PHF24: variants seen among roughly 807,000 people sequenced by gnomAD.
PHF24 encodes the protein PHD finger protein 24, also known as Galpha inhibitory interacting protein.
Under a neutral mutation model 42.6 loss-of-function variants are expected in PHF24, and 25 were observed. The ratio of observed to expected loss-of-function variants is 0.59; its 90% CI spans 0.43 to 0.82. The LOEUF is 0.82. PHF24 is among the 40% of genes least tolerant of loss of function. The pLI is 0.00. For synonymous variants in PHF24, 185 were observed against 204.8 expected, an observed-to-expected ratio of 0.90 and a Z score of 0.83; for missense variants, 470 against 538.1, an observed-to-expected ratio of 0.87 and a Z score of 1.25.
At chr9:34,815,467 C>T in the PHF24 span, among the ~76,000 whole-genome samples, 2 of 152,246 alleles carry the variant, frequency 1.3e-5, no homozygotes, top group South Asian at 2.1e-4. Flanking sequence ...GGACTACAGG[C>T]GCCCGCCACC....
At chr9:34,832,433 A>T in the PHF24 span, 2 of 1,404,020 alleles carry the variant, frequency 1.4e-6, no homozygotes, top group East Asian at 5.0e-5. Context: ...ACTGGGGACC[A>T]TCCAAGAAAG....
At chr9:34,861,106 A>G in the PHF24 span, among the ~76,000 whole-genome samples, 1 of 152,202 alleles carries the variant, frequency 6.6e-6, no homozygotes, top group African/African-American at 2.4e-5. Flanking sequence ...CAGAAAAAAA[A>G]TCACCAGGAA....
the PHF24 span, among the ~76,000 whole-genome samples, chr9:34,783,547 G>T: frequency 6.6e-6 from 1 of 152,074 alleles, no homozygotes; most frequent in Non-Finnish European, 1.5e-5. Context: ...TGACAGACCT[G>T]CCTTAAACTA....
the PHF24 span, among the ~76,000 whole-genome samples, chr9:34,848,483 T>C: frequency 2.6e-5 from 4 of 152,204 alleles, no homozygotes; most frequent in Admixed American, 2.6e-4. Flanking sequence ...TATTTGATTC[T>C]TCTCTCTTTT....
At chr9:34,918,150 C>T in the PHF24 span, 1 of 1,514,310 alleles carries the variant, frequency 6.6e-7, no homozygotes, top group African/African-American at 1.4e-5. Flanking sequence ...CATATGCATT[C>T]CCTGGACTGT....
the PHF24 span, among the ~76,000 whole-genome samples, chr9:34,880,832 G>C: frequency 1.3e-5 from 2 of 152,222 alleles, no homozygotes; most frequent in South Asian, 4.1e-4. Context: ...TCCAGGAATT[G>C]AACTCAGCTC....
the PHF24 span, among the ~76,000 whole-genome samples, chr9:34,745,211 G>A: frequency 6.6e-6 from 1 of 152,160 alleles, no homozygotes; most frequent in Non-Finnish European, 1.5e-5. Flanking sequence ...CCCACAGCTG[G>A]AGTGTTGTTA....
the PHF24 span, chr9:34,723,919 A>G: frequency 2.9e-5 from 45 of 1,551,386 alleles, no homozygotes; most frequent in Non-Finnish European, 3.8e-5. Flanking sequence ...GTTGACAGGG[A>G]TCAGCAAGAT....
chr9:34,709,258 GAA>G, the PHF24 span: 1 of 1,072,744 alleles, frequency 9.3e-7, no homozygotes, highest in Admixed American at 2.2e-5. Context: ...TAAAGCAGGA[GAA>G]AGAGTGTGGC....
the PHF24 span, among the ~76,000 whole-genome samples, chr9:34,720,403 C>T: frequency 6.6e-6 from 1 of 150,946 alleles, no homozygotes; most frequent in African/African-American, 2.4e-5. Context: ...CGAGATTGCG[C>T]CACTGCAGCC....
chr9:34,694,629 G>A, the PHF24 span, among the ~76,000 whole-genome samples: 10 of 152,042 alleles, frequency 6.6e-5, no homozygotes, highest in East Asian at 1.9e-4. Context: ...CACCATGCCC[G>A]GCCTAATTTT....
the PHF24 span, among the ~76,000 whole-genome samples, chr9:34,693,320 C>G: frequency 6.6e-6 from 1 of 152,130 alleles, no homozygotes; most frequent in Non-Finnish European, 1.5e-5. Context: ...TTGGGGCTGG[C>G]CCATGGGAAG....
the PHF24 span, among the ~76,000 whole-genome samples, chr9:34,802,297 A>T: frequency 6.6e-6 from 1 of 152,132 alleles, no homozygotes; most frequent in Admixed American, 6.5e-5. Context: ...TGGGCATGAG[A>T]CCCAGACCTA....
chr9:34,849,140 A>G, the PHF24 span, among the ~76,000 whole-genome samples: 2 of 152,246 alleles, frequency 1.3e-5, no homozygotes, highest in Middle Eastern at 6.8e-3. Context: ...AGCTGAGTTC[A>G]ATTCCTGGGT....
the PHF24 span, among the ~76,000 whole-genome samples, chr9:34,924,688 G>A: frequency 6.6e-6 from 1 of 152,046 alleles, no homozygotes; most frequent in Non-Finnish European, 1.5e-5. Flanking sequence ...TGTGTTTCTT[G>A]TAGGCAGCAG....
At chr9:34,868,033 G>A in the PHF24 span, among the ~76,000 whole-genome samples, 32 of 152,186 alleles carry the variant, frequency 2.1e-4, no homozygotes, top group South Asian at 4.8e-3. Context: ...TTGTGGTTGC[G>A]GAAACTGGCT....
chr9:34,689,463 C>G, the PHF24 span: 1 of 252,248 alleles, frequency 4.0e-6, no homozygotes, highest in Non-Finnish European at 7.6e-6. This position sits in a 1 kb window ranked among gnomAD's most constrained non-coding sequence, Gnocchi z 4.1. Context: ...AGCAAACGGA[C>G]AGCAGACAGA....
chr9:34,673,308 C>T, the PHF24 span, among the ~76,000 whole-genome samples: 1 of 147,100 alleles, frequency 6.8e-6, no homozygotes, highest in Non-Finnish European at 1.5e-5. Context: ...GAGCCGAGAT[C>T]GTGCCACTGC....
the PHF24 span, chr9:34,837,100 G>A: frequency 2.1e-6 from 1 of 471,150 alleles, no homozygotes; most frequent in South Asian, 1.5e-5. Context: ...TGTGGCTTCT[G>A]ATCTTCTTCC....
Sources: allele counts gnomAD v4.1 joint callset (sites outside exome capture counted in the v4.1 genomes callset), GRCh38; gene constraint gnomAD v4.1.1; non-coding constraint Gnocchi (gnomAD v3.1); transcripts MANE v1.5; gene names NCBI Gene and HGNC (gene_info 2026-07-23, HGNC 2026-07-21).